Variants in FYB2 observed in about 807,000 individuals in gnomAD.
FYB2 encodes FYN binding protein 2, also known as FYN-binding protein 2.
A neutral mutation model predicts 94.1 loss-of-function variants in FYB2; 103 were observed. The ratio of observed to expected loss-of-function variants is 1.09; its 90% CI spans 0.93 to 1.29. The LOEUF is 1.29. Ranked by LOEUF, FYB2 falls within the 50% of genes most tolerant of loss-of-function variation. The pLI is 0.00. For missense variants in FYB2, 896 were observed against 841.5 expected, an observed-to-expected ratio of 1.06 and a Z score of -0.80; for synonymous variants, 293 against 287.9, an observed-to-expected ratio of 1.02 and a Z score of -0.18.
At chr1:56,732,154 T>C (rs1188494108) in intron 15 of FYB2, among the ~76,000 whole-genome samples, 3 of 152,076 alleles carry the variant, frequency 2.0e-5, no homozygotes, top group African/African-American at 7.2e-5. Context: ...AAAATCAACA[T>C]ATAAAAATTA....
At chr1:56,757,777 T>C (rs1318246843) in intron 6 of FYB2, among the ~76,000 whole-genome samples, 1 of 148,088 alleles carries the variant, frequency 6.8e-6, no homozygotes, top group African/African-American at 2.5e-5. Context: ...CTTTTTCTTT[T>C]TTTTTTGATA....
At chr1:56,804,614 C>A (rs1443518887) in intron 1 of FYB2, among the ~76,000 whole-genome samples, 3 of 152,034 alleles carry the variant, frequency 2.0e-5, no homozygotes, top group African/African-American at 7.3e-5. Flanking sequence ...CATGTAGTCC[C>A]AGCTACTCGG....
intron 5 of FYB2, 139 bp from the exon 6 acceptor site, chr1:56,758,889 C>A: frequency 1.8e-6 from 1 of 549,660 alleles, no homozygotes; most frequent in Non-Finnish European, 3.0e-6. Context: ...AAAGCTCTAT[C>A]TAGAAAGTTT....
At chr1:56,762,165 C>T (rs1005404194) in intron 5 of FYB2, among the ~76,000 whole-genome samples, 2 of 152,088 alleles carry the variant, frequency 1.3e-5, no homozygotes, top group Admixed American at 6.6e-5. Context: ...TATACTAATG[C>T]CTCCCTTTTA....
In FYB2 at chr1:56,818,493, CACACACAT is replaced by C. The variant is rs1319141251; in HGVS notation, c.9+781_9+788del. Among the ~76,000 whole-genome samples, 179 of 148,108 alleles carry C rather than the reference CACACACAT, an allele frequency of 1.2e-3. 1 individual carries two copies. Among genetic ancestry groups the C allele is most frequent in the African/African-American group, 4.0e-3 (157 of 39,288 alleles). ...ACACACACACACACACACACACACA[CACACACAT>C]GCACACGCACATCAAAAGAAACTGA... On this transcript the variant is annotated intron_variant, in intron 1 of 19. Coordinates refer to ENST00000343433, the MANE Select transcript of FYB2 (RefSeq NM_001004303.5).
chr1:56,777,636 A>G (rs1164065073), intron 4 of FYB2, among the ~76,000 whole-genome samples: 1 of 152,118 alleles, frequency 6.6e-6, no homozygotes, highest in African/African-American at 2.4e-5. Context: ...TTGAACAACT[A>G]TTAAATGCTG....
At chr1:56,755,377 G>A (rs531886801) in intron 7 of FYB2, among the ~76,000 whole-genome samples, 1 of 152,174 alleles carries the variant, frequency 6.6e-6, no homozygotes, top group East Asian at 1.9e-4. Flanking sequence ...CTTCTCTCAG[G>A]GAGTGGAATG....
At position 56,789,137 on chromosome 1, in the gene FYB2, G is replaced by A. The variant is rs759446584; in HGVS notation, c.758-3C>T. The A allele has an allele frequency of 1.3e-6, 2 of 1,573,658 alleles. No individual in the cohort carries two copies. The highest frequency in any genetic ancestry group is 1.4e-5 in the African/African-American group (1 of 73,462). ...ATGCCTGACATCTGGCTGTTTTTCT[G>A]AACACAAGACAGTAAAAAATGTAAG... On this transcript the variant is annotated splice_polypyrimidine_tract_variant and splice_region_variant and intron_variant, in intron 2 of 19. Coordinates refer to ENST00000343433, the MANE Select transcript of FYB2 (RefSeq NM_001004303.5).
intron 1 of FYB2, among the ~76,000 whole-genome samples, chr1:56,796,055 G>T (rs1646390356): frequency 6.6e-6 from 1 of 152,166 alleles, no homozygotes; most frequent in Non-Finnish European, 1.5e-5. Context: ...GCTATGTGGA[G>T]AATTAAGCAG....
intron 1 of FYB2, among the ~76,000 whole-genome samples, chr1:56,808,543 C>A (rs1025094304): frequency 2.0e-5 from 3 of 152,106 alleles, no homozygotes; most frequent in African/African-American, 4.8e-5. Context: ...AGTTACACAC[C>A]AATACCTGAC....
At chr1:56,728,255 C>T (rs1433744275) in intron 15 of FYB2, among the ~76,000 whole-genome samples, 1 of 152,090 alleles carries the variant, frequency 6.6e-6, no homozygotes, top group Non-Finnish European at 1.5e-5. Context: ...CCTGTCAAAA[C>T]GTTACCTGTC....
chr1:56,758,599 A>C, intron 6 of FYB2, 117 bp downstream of exon 6: 1 of 808,978 alleles, frequency 1.2e-6, no homozygotes, highest in Non-Finnish European at 1.8e-6. Flanking sequence ...AAATCCTCAG[A>C]AATAGGAGGA....
Position 56,744,179 on chromosome 1 carries a change from T to A in FYB2, c.1475A>T (p.Asp492Val). The part of the protein sequence containing the change: ...KTSSISEEIY[D>V]DVEYSRKEVP... ...CTCTTTCCTGGAGTACTCGACATCA[T>A]CATATATCTCCTCCGAGATGGAACT... Residue 492 changes from aspartate to valine, a missense_variant, in exon 10 of 20, where the codon GAT (aspartate) becomes GTT (valine). By Grantham distance (152) the Asp-to-Val change is radical. Transcript: ENST00000343433. The A allele has an allele frequency of 6.2e-7, 1 of 1,612,664 alleles. No homozygotes were observed. The highest frequency in any genetic ancestry group is 8.5e-7 in the Non-Finnish European group (1 of 1,179,242).
At chr1:56,799,845 T>C (rs1935556) in intron 1 of FYB2, among the ~76,000 whole-genome samples, 149,981 of 152,294 alleles carry the variant, frequency 0.98, 73,888 homozygotes, top group Middle Eastern at 1. Context: ...TTCATTGCAC[T>C]GCACAGCAAG....
At chr1:56,822,096 A>T (rs116669355), upstream of FYB2, among the ~76,000 whole-genome samples, 1,064 of 152,284 alleles carry the variant, frequency 7.0e-3, 15 homozygotes, top group African/African-American at 0.024. Context: ...GAAATGACTG[A>T]CTGAGCACCT....
At chr1:56,821,613 A>C (rs1314832033), upstream of FYB2, among the ~76,000 whole-genome samples, 1 of 152,234 alleles carries the variant, frequency 6.6e-6, no homozygotes, top group Non-Finnish European at 1.5e-5. Flanking sequence ...TTGCTTAGCA[A>C]TGAGTAAACA....
At chr1:56,756,337 G>GC (rs1570015813) in intron 6 of FYB2, among the ~76,000 whole-genome samples, 1 of 152,090 alleles carries the variant, frequency 6.6e-6, no homozygotes, top group Non-Finnish European at 1.5e-5. Context: ...GTTACTCGCT[G>GC]ATCATGTGCC....
At chr1:56,731,223 A>G (rs1421119835) in intron 15 of FYB2, among the ~76,000 whole-genome samples, 1 of 152,174 alleles carries the variant, frequency 6.6e-6, no homozygotes, top group African/African-American at 2.4e-5. Flanking sequence ...GGTAGGTGGC[A>G]GGAAAGATCG....
chr1:56,726,654 A>G, intron 15 of FYB2, 71 bp from the exon 16 acceptor site: 1 of 1,221,384 alleles, frequency 8.2e-7, no homozygotes, highest in Non-Finnish European at 1.2e-6. Flanking sequence ...TCAACACTTC[A>G]TGGGCAATTA....
Sources: allele counts gnomAD v4.1 joint callset (sites outside exome capture counted in the v4.1 genomes callset), GRCh38; gene constraint gnomAD v4.1.1; transcripts MANE v1.5; gene names NCBI Gene and HGNC (gene_info 2026-07-23, HGNC 2026-07-21).